The following CSMD1 variants were observed in gnomAD, a reference collection of about 807,000 sequenced individuals.
The protein encoded by CSMD1 is CUB and sushi domain-containing protein 1.
In CSMD1, 213 loss-of-function variants were observed where a neutral mutation model predicts 417.5. The observed-to-expected ratio is 0.51, with a 90% CI of 0.46 to 0.57. CSMD1 has a LOEUF of 0.57. CSMD1 is among the 20% of genes least tolerant of loss of function. The probability of loss-of-function intolerance (pLI) is 0.00; values close to 1 mark genes in which losing one functional copy is unlikely to be tolerated. For missense variants in CSMD1, 6,923 were observed against 4,529.7 expected, an observed-to-expected ratio of 1.53 and a Z score of -15.17; for synonymous variants, 2,862 against 1,736.8, an observed-to-expected ratio of 1.65 and a Z score of -16.11.
intron 3 of CSMD1, among the ~76,000 whole-genome samples, chr8:4,387,022 G>A (rs1413959187): frequency 6.6e-6 from 1 of 152,162 alleles, no homozygotes; most frequent in African/African-American, 2.4e-5. Context: ...AAGGGACTGA[G>A]TTTGAGATAC....
chr8:3,592,662 G>A (rs1800902523), intron 8 of CSMD1, among the ~76,000 whole-genome samples: 1 of 128,810 alleles, frequency 7.8e-6, no homozygotes. Flanking sequence ...GTGTTTACGT[G>A]TGTGTGCACA....
Position 3,091,507 on chromosome 8 carries a change from T to A in CSMD1, c.7285+9A>T. On this transcript the variant is annotated intron_variant, in intron 48 of 69. Transcript: ENST00000635120. ...ACTTTCATATAAAATCTAAACCTCA[T>A]TTACTTACCTGCATAGCGAATCTTG... is the stretch of plus-strand genomic sequence containing the variant. The A allele has an allele frequency of 6.3e-7, 1 of 1,588,230 alleles. No individual in the cohort carries two copies. The highest frequency in any genetic ancestry group is 8.5e-7 in the Non-Finnish European group (1 of 1,172,268).
At chr8:4,382,190 A>C (rs1380799563) in intron 3 of CSMD1, among the ~76,000 whole-genome samples, 1 of 152,214 alleles carries the variant, frequency 6.6e-6, no homozygotes, top group African/African-American at 2.4e-5. Context: ...AATTAGGAAG[A>C]ATAAAATATC....
intron 6 of CSMD1, among the ~76,000 whole-genome samples, chr8:3,742,088 C>T (rs148870128): frequency 2.0e-5 from 3 of 151,964 alleles, no homozygotes; most frequent in African/African-American, 7.3e-5. Context: ...CCTGGTGCAC[C>T]TGGCTCTGCT....
chr8:4,723,916 T>C (rs1458672219), intron 1 of CSMD1, among the ~76,000 whole-genome samples: 1 of 151,978 alleles, frequency 6.6e-6, no homozygotes, highest in Non-Finnish European at 1.5e-5. Context: ...CATATACAGA[T>C]CTCTTCAAAA....
At chr8:3,523,396 T>C (rs1797595914) in intron 10 of CSMD1, among the ~76,000 whole-genome samples, 1 of 152,204 alleles carries the variant, frequency 6.6e-6, no homozygotes, top group Admixed American at 6.5e-5. Flanking sequence ...AAGAAAGCTC[T>C]CAATGAGAGA....
chr8:3,190,684 T>C (rs1431752805), intron 33 of CSMD1, among the ~76,000 whole-genome samples: 1 of 152,200 alleles, frequency 6.6e-6, no homozygotes, highest in Non-Finnish European at 1.5e-5. Context: ...AAATCGGTAC[T>C]CTCACATTCA....
chr8:4,274,903 G>A (rs775884186), intron 3 of CSMD1, among the ~76,000 whole-genome samples: 2 of 152,138 alleles, frequency 1.3e-5, no homozygotes, highest in African/African-American at 2.4e-5. Flanking sequence ...AGATATTCCA[G>A]AAGGAAATGT....
intron 5 of CSMD1, among the ~76,000 whole-genome samples, chr8:3,852,997 T>G (rs892850992): frequency 6.6e-6 from 1 of 152,166 alleles, no homozygotes; most frequent in African/African-American, 2.4e-5. Flanking sequence ...GTTCTTGACT[T>G]GACATCACCT....
chr8:4,511,531 A>T (rs912895475), intron 2 of CSMD1, among the ~76,000 whole-genome samples: 9 of 152,132 alleles, frequency 5.9e-5, no homozygotes, highest in Middle Eastern at 3.2e-3. Context: ...AGCTCCACAA[A>T]CTGAAAGATC....
chr8:3,518,470 T>G (rs181857669), intron 10 of CSMD1, among the ~76,000 whole-genome samples: 46 of 152,320 alleles, frequency 3.0e-4, no homozygotes, highest in Non-Finnish European at 6.2e-4. Flanking sequence ...CAATATTGCT[T>G]TTGTAAAATC....
chr8:4,086,128 T>G (rs903108983), intron 3 of CSMD1, among the ~76,000 whole-genome samples: 1 of 152,230 alleles, frequency 6.6e-6, no homozygotes, highest in African/African-American at 2.4e-5. Context: ...GTAGATGTTA[T>G]TGCTACATTT....
chr8:3,540,511 C>T (rs544445145), intron 10 of CSMD1, among the ~76,000 whole-genome samples: 1 of 152,118 alleles, frequency 6.6e-6, no homozygotes, highest in Admixed American at 6.5e-5. Flanking sequence ...GCAATTACAA[C>T]AAAAGTAAAA....
chr8:3,743,541 G>A (rs1044234459), intron 6 of CSMD1, among the ~76,000 whole-genome samples: 1 of 152,166 alleles, frequency 6.6e-6, no homozygotes, highest in Non-Finnish European at 1.5e-5. Flanking sequence ...GTTGCAGGGT[G>A]TGAAAGAAAA....
At chr8:4,357,800 G>A (rs1354401204) in intron 3 of CSMD1, among the ~76,000 whole-genome samples, 1 of 152,002 alleles carries the variant, frequency 6.6e-6, no homozygotes, top group Non-Finnish European at 1.5e-5. Context: ...AGACAGAGGA[G>A]GAGAAATACC....
chr8:3,396,495 T>G, intron 16 of CSMD1, 114 bp from the exon 17 acceptor site: 2 of 697,742 alleles, frequency 2.9e-6, no homozygotes, highest in South Asian at 2.1e-5. Flanking sequence ...ATGAAGAAAA[T>G]AGTTGAAATT....
chr8:3,678,854 CA>C (rs1799511841), intron 7 of CSMD1, among the ~76,000 whole-genome samples: 1 of 152,166 alleles, frequency 6.6e-6, no homozygotes, highest in Non-Finnish European at 1.5e-5. Flanking sequence ...AGAAAGTCTA[CA>C]AGCCAGAAAA....
intron 3 of CSMD1, among the ~76,000 whole-genome samples, chr8:4,057,885 T>G (rs1798778468): frequency 6.6e-6 from 1 of 152,176 alleles, no homozygotes; most frequent in Non-Finnish European, 1.5e-5. Flanking sequence ...TCTGTTCCAT[T>G]GATCTATATC....
chr8:4,392,639 G>T (rs543426188), intron 3 of CSMD1, among the ~76,000 whole-genome samples: 1 of 151,596 alleles, frequency 6.6e-6, no homozygotes, highest in South Asian at 2.1e-4. Context: ...GGTTTTTTGG[G>T]GGGGAGGGTT....
Sources: gnomAD v4.1 joint callset for allele counts (sites outside exome capture counted in the v4.1 genomes callset) on GRCh38, gnomAD v4.1.1 for gene constraint, MANE v1.5 for transcripts, NCBI Gene and HGNC (gene_info 2026-07-23, HGNC 2026-07-21) for gene names.